The following ZNF808 variants were observed in gnomAD, a reference collection of about 807,000 sequenced individuals.
ZNF808 encodes the protein zinc finger protein 808.
ZNF808 carries 5 observed loss-of-function variants against 8.7 expected under a neutral mutation model. That is an observed-to-expected ratio of 0.58 (90% CI 0.30 to 1.21). The LOEUF (loss-of-function observed/expected upper bound fraction) is 1.21. ZNF808 is among the 50% of genes most tolerant of loss of function. The pLI, the probability that ZNF808 is intolerant of heterozygous loss-of-function variation, is 0.07. For missense variants in ZNF808, 1,103 were observed against 1,098.4 expected (o/e 1.00, Z -0.06); for synonymous variants, 380 against 366.0 (o/e 1.04, Z -0.44).
chr19:52,568,739 A>G (rs2059879643), downstream of ZNF808, among the ~76,000 whole-genome samples: 1 of 152,206 alleles, frequency 6.6e-6, no homozygotes, highest in Non-Finnish European at 1.5e-5. Context: ...AATAAACTCT[A>G]TAATTAATAA....
At chr19:52,537,587 C>G (rs767026742) in intron 2 of ZNF808, among the ~76,000 whole-genome samples, 1 of 151,442 alleles carries the variant, frequency 6.6e-6, no homozygotes, top group African/African-American at 2.4e-5. Flanking sequence ...ACTCTGTAGG[C>G]GGAGGCTGGA....
Position 52,554,223 on chromosome 19 carries a change from T to G in ZNF808, c.1307T>G (p.Phe436Cys). 1 of 1,613,726 alleles carries G rather than the reference T, an allele frequency of 6.2e-7. No individual in the cohort carries two copies. Reference sequence around the variant, plus strand: ...AAATGTGAAGAATGTGACAAAGTTTTCAGTCAGAAATCAACCCTTGAGAGA... The same window carrying G: ...AAATGTGAAGAATGTGACAAAGTTTGCAGTCAGAAATCAACCCTTGAGAGA... ...PYKCEECDKV[F>C]SQKSTLERHK... Residue 436 changes from phenylalanine (F) to cysteine (C), a missense_variant, in exon 5 of 5, where the codon TTC (phenylalanine) becomes TGC (cysteine). Physicochemically the swap from Phe to Cys is radical, Grantham distance 205. Transcript: ENST00000359798.
chr19:52,530,971 C>T (rs1342786231), intron 1 of ZNF808, among the ~76,000 whole-genome samples: 2 of 151,980 alleles, frequency 1.3e-5, no homozygotes, highest in Non-Finnish European at 2.9e-5. Flanking sequence ...AGTGAGACTC[C>T]GTCTCCCCGC....
chr19:52,551,136 G>T (rs772861366), intron 4 of ZNF808, among the ~76,000 whole-genome samples: 1 of 152,130 alleles, frequency 6.6e-6, no homozygotes, highest in African/African-American at 2.4e-5. Flanking sequence ...TGGATCACCT[G>T]AGGTCAGAAG....
chr19:52,561,630 C>T (rs1254327943), intron 3 of ZNF808, among the ~76,000 whole-genome samples: 2 of 151,964 alleles, frequency 1.3e-5, no homozygotes, highest in Non-Finnish European at 2.9e-5. Context: ...TCACCGCAAC[C>T]TCTGCCTCCC....
At chr19:52,565,755 C>T (rs530744502), downstream of ZNF808, among the ~76,000 whole-genome samples, 1 of 152,302 alleles carries the variant, frequency 6.6e-6, no homozygotes, top group Non-Finnish European at 1.5e-5. Flanking sequence ...CATTTGTTAT[C>T]TCCCTGTGAC....
At chr19:52,539,478 C>T (rs2059647608) in intron 2 of ZNF808, among the ~76,000 whole-genome samples, 1 of 151,200 alleles carries the variant, frequency 6.6e-6, no homozygotes, top group Non-Finnish European at 1.5e-5. Context: ...CGTGAGCCAC[C>T]ACACTTGGCC....
intron 4 of ZNF808, among the ~76,000 whole-genome samples, chr19:52,550,078 A>G (rs1398428324): frequency 1.3e-5 from 2 of 152,146 alleles, no homozygotes; most frequent in East Asian, 3.9e-4. Context: ...TGTGCTGACT[A>G]TTGTGCCTAA....
At chr19:52,551,848 C>A (rs2059780029) in intron 4 of ZNF808, among the ~76,000 whole-genome samples, 1 of 151,804 alleles carries the variant, frequency 6.6e-6, no homozygotes. Context: ...ACTAAAAACA[C>A]AAAAATTAGC....
In ZNF808 at chr19:52,562,251, G is replaced by T. The variant is rs546749402; in HGVS notation, c.*423-1067G>T. Reference sequence around the variant, plus strand: ...AAATTACCTGGGTGTGGTGTAACATGCCTGAAATCTCAGCTGCATGGGAGG... The same window carrying T: ...AAATTACCTGGGTGTGGTGTAACATTCCTGAAATCTCAGCTGCATGGGAGG... On this transcript the variant is annotated intron_variant and NMD_transcript_variant, in intron 3 of 3. Coordinates refer to the ZNF808 transcript ENST00000487863. 7.9e-4 allele frequency among the ~76,000 whole-genome samples: 120 copies of T among 152,206 alleles called. 2 individuals carry two copies. In the South Asian group the frequency reaches 0.023, roughly 29 times the overall value.
rs1482395432 is a variant in ZNF808 at position 52,538,543 on chromosome 19, A to T, written c.-19-4723A>T. Among the ~76,000 whole-genome samples, 4 of 150,424 alleles carry T rather than the reference A, an allele frequency of 2.7e-5. No individual in the cohort carries two copies. In the South Asian group the frequency reaches 6.3e-4, roughly 24 times the overall value. On this transcript the variant is annotated intron_variant, in intron 2 of 4. Transcript: ENST00000359798. ...ATTAGGAGGCCGAGGCAGGAGAATC[A>T]CTTGAACCCAGGAGGCAGAGGTTGT...
chr19:52,557,425 C>T (rs1211312724), downstream of ZNF808, among the ~76,000 whole-genome samples: 2 of 152,046 alleles, frequency 1.3e-5, no homozygotes, highest in Non-Finnish European at 2.9e-5. Context: ...CTCCACCACT[C>T]CCGGCTAATT....
downstream of ZNF808, among the ~76,000 whole-genome samples, chr19:52,558,690 T>G (rs1041011344): frequency 1.3e-5 from 2 of 152,098 alleles, no homozygotes; most frequent in African/African-American, 2.4e-5. Flanking sequence ...TTTTAATGAC[T>G]TGGAATTGTG....
intron 4 of ZNF808, 105 bp from the exon 5 acceptor site, chr19:52,553,002 T>G (rs2059792545): frequency 7.1e-7 from 1 of 1,403,216 alleles, no homozygotes; most frequent in African/African-American, 1.5e-5. Context: ...ATATCATGTT[T>G]GGGAATTTCA....
intron 2 of ZNF808, among the ~76,000 whole-genome samples, chr19:52,536,519 G>C (rs1400802559): frequency 1.3e-5 from 2 of 152,104 alleles, no homozygotes; most frequent in Non-Finnish European, 2.9e-5. Flanking sequence ...CCCCCTCGTG[G>C]TGGGCCCTGC....
intron 3 of ZNF808, 104 bp from the exon 4 acceptor site, chr19:52,547,408 C>T (rs2059732522): frequency 1.2e-5 from 19 of 1,579,032 alleles, no homozygotes; most frequent in Non-Finnish European, 1.5e-5. Context: ...TGTCAGAACA[C>T]AGTCTTTGAT....
At chr19:52,550,469 A>T (rs753009128) in intron 4 of ZNF808, among the ~76,000 whole-genome samples, 1 of 151,488 alleles carries the variant, frequency 6.6e-6, no homozygotes, top group Non-Finnish European at 1.5e-5. Context: ...ACCTCAAGTG[A>T]TCTACCTACC....
chr19:52,557,205 G>A (rs928884047), downstream of ZNF808, among the ~76,000 whole-genome samples: 12 of 151,492 alleles, frequency 7.9e-5, no homozygotes, highest in African/African-American at 2.7e-4. Context: ...TCCTGACCTC[G>A]TGATCCGCCA....
Position 52,553,978 on chromosome 19 carries a change from A to T in ZNF808, c.1062A>T (p.Gln354His). 2.5e-6 allele frequency: 4 copies of T among 1,614,036 alleles called. No individual in the cohort carries two copies. The highest frequency in any genetic ancestry group is 3.4e-6 in the Non-Finnish European group (4 of 1,179,994). ...ATGAATGTGGCAAGGCTTTTAATCA[A>T]CAATCACACCTTTCACGCCATCAAA... ...KCNECGKAFN[Q>H]QSHLSRHQRL... The change falls in exon 5 of 5, where the codon CAA becomes CAT. Residue 354 changes from glutamine to histidine, a missense_variant. Transcript: ENST00000359798.
Sources: gnomAD v4.1 joint callset for allele counts (sites outside exome capture counted in the v4.1 genomes callset) on GRCh38, gnomAD v4.1.1 for gene constraint, MANE v1.5 for transcripts, NCBI Gene and HGNC (gene_info 2026-07-23, HGNC 2026-07-21) for gene names.